The following DPP6 variants were observed in gnomAD, a reference collection of about 807,000 sequenced individuals.
The protein encoded by DPP6 is dipeptidyl peptidase like 6.
A neutral mutation model predicts 122.6 loss-of-function variants in DPP6; 69 were observed. The ratio of observed to expected loss-of-function variants is 0.56; its 90% CI spans 0.46 to 0.69. DPP6 has a LOEUF of 0.69. Among genes scored for constraint, DPP6 ranks in the 30% least tolerant of loss-of-function variants. The pLI is 0.00. For missense variants in DPP6, 928 were observed against 1,116.9 expected (o/e 0.83, Z 2.41); for synonymous variants, 418 against 433.1 (o/e 0.97, Z 0.43).
chr7:153,950,722 C>G (rs1048028341), intron 1 of DPP6, among the ~76,000 whole-genome samples: 1 of 152,148 alleles, frequency 6.6e-6, no homozygotes, highest in Non-Finnish European at 1.5e-5. Flanking sequence ...TGGGTGGATG[C>G]TGACCTCATT....
Position 154,833,417 on chromosome 7 carries a change from C to G in DPP6, c.1667-20363C>G, listed in dbSNP as rs973706049. ...CAGACAACCCCTCATCGAGAAGGAG[C>G]AAGAAGTGACTTCTGTGTGCCTTGG... is the stretch of plus-strand genomic sequence containing the variant. On this transcript the variant is annotated intron_variant, in intron 16 of 25. Coordinates refer to ENST00000377770, the MANE Select transcript of DPP6 (RefSeq NM_130797.4). The surrounding 1 kb of genome is among the most constrained non-coding windows in gnomAD (Gnocchi z 4.3). 1.2e-4 allele frequency among the ~76,000 whole-genome samples: 19 copies of G among 152,154 alleles called. No homozygotes were observed. Among genetic ancestry groups the G allele is most frequent in the Non-Finnish European group, 8.8e-5 (6 of 68,036 alleles).
intron 1 of DPP6, among the ~76,000 whole-genome samples, chr7:154,374,908 G>A (rs746656414): frequency 1.3e-5 from 2 of 152,266 alleles, no homozygotes; most frequent in African/African-American, 2.4e-5. Context: ...CACCGCGCCC[G>A]GCCGACATTA....
rs1554452155 is a variant in DPP6, at chr7:154,067,914, TTTTGTTTG to T, written c.243+14867_243+14874del. ...CACTCAAGGTTTTTTTTTGTTTTTT[TTTTGTTTG>T]TTTGTTTGTTTGTTTTTTTGATAAA... On this transcript the variant is annotated intron_variant, in intron 1 of 25. Coordinates refer to ENST00000377770, the MANE Select transcript of DPP6 (RefSeq NM_130797.4). Among the ~76,000 whole-genome samples the T allele has an allele frequency of 4.3e-5, 6 of 141,168 alleles. No homozygotes were observed. In the South Asian group the frequency reaches 8.7e-4, roughly 21 times the overall value. 92.6% of individuals were successfully genotyped at this position (141,168 alleles called of 152,430 possible).
chr7:153,924,135 G>A (rs949312429), intron 1 of DPP6, among the ~76,000 whole-genome samples: 3 of 147,766 alleles, frequency 2.0e-5, no homozygotes, highest in South Asian at 2.1e-4. Context: ...TTTTTTTTTC[G>A]AGACGGAGTC....
chr7:154,804,771 T>A, intron 14 of DPP6, 146 bp from the exon 15 acceptor site: 1 of 1,123,616 alleles, frequency 8.9e-7, no homozygotes, highest in East Asian at 2.6e-5. Flanking sequence ...TGGTCACAGG[T>A]GTAGCTGGAC....
chr7:154,683,465 G>T (rs1188083712), intron 7 of DPP6, among the ~76,000 whole-genome samples: 1 of 152,022 alleles, frequency 6.6e-6, no homozygotes, highest in African/African-American at 2.4e-5. Flanking sequence ...TGCTTTCTTG[G>T]TATCATGAAA....
the DPP6 span, among the ~76,000 whole-genome samples, chr7:153,873,166 C>T: frequency 6.6e-6 from 1 of 152,172 alleles, no homozygotes; most frequent in Admixed American, 6.5e-5. Context: ...GTGCCAGGCT[C>T]TTTTTAACAA....
intron 1 of DPP6, among the ~76,000 whole-genome samples, chr7:154,085,872 C>T (rs978480969): frequency 5.9e-5 from 9 of 152,124 alleles, no homozygotes; most frequent in Non-Finnish European, 8.8e-5. Context: ...GGATAACAGG[C>T]GCTCACCATC....
At chr7:154,160,755 T>G (rs1041199585) in intron 1 of DPP6, among the ~76,000 whole-genome samples, 2 of 152,194 alleles carry the variant, frequency 1.3e-5, no homozygotes, top group African/African-American at 4.8e-5. Context: ...ATGGGGGACT[T>G]GAAAACTAGC....
intron 1 of DPP6, among the ~76,000 whole-genome samples, chr7:154,373,151 T>C (rs1332697391): frequency 6.6e-6 from 1 of 152,184 alleles, no homozygotes; most frequent in East Asian, 1.9e-4. Flanking sequence ...TTTAATGGGA[T>C]GAATACACTC....
chr7:154,173,847 G>A (rs938638762), intron 1 of DPP6, among the ~76,000 whole-genome samples: 1 of 152,118 alleles, frequency 6.6e-6, no homozygotes, highest in Non-Finnish European at 1.5e-5. Flanking sequence ...GGACATCCGG[G>A]GCCTTTGACT....
chr7:153,887,348 C>G (rs1798973615), exon 1 of DPP6: 1 of 210,628 alleles, frequency 4.7e-6, no homozygotes, highest in Non-Finnish European at 9.6e-6. Flanking sequence ...TCAGAGCTGC[C>G]TCTCGCCCTC....
At chr7:154,519,766 T>G (rs1826821388) in intron 3 of DPP6, among the ~76,000 whole-genome samples, 1 of 152,232 alleles carries the variant, frequency 6.6e-6, no homozygotes, top group African/African-American at 2.4e-5. Flanking sequence ...TTATCATAGA[T>G]TCTACCTAAA....
intron 8 of DPP6, among the ~76,000 whole-genome samples, chr7:154,753,173 A>G (rs1266665137): frequency 6.6e-6 from 1 of 152,142 alleles, no homozygotes; most frequent in African/African-American, 2.4e-5. Context: ...TCTCCTAAAC[A>G]GTTTCTTTGG....
chr7:154,613,301 G>A (rs1403542278), intron 5 of DPP6, among the ~76,000 whole-genome samples: 1 of 152,012 alleles, frequency 6.6e-6, no homozygotes, highest in Admixed American at 6.6e-5. Flanking sequence ...AGGAGTTAAG[G>A]GTTGCAGATG....
At chr7:154,591,160 G>A (rs1832790509) in intron 5 of DPP6, among the ~76,000 whole-genome samples, 1 of 152,230 alleles carries the variant, frequency 6.6e-6, no homozygotes, top group Non-Finnish European at 1.5e-5. Context: ...TGGAGAAGAG[G>A]GAGGAGAGCC....
intron 7 of DPP6, among the ~76,000 whole-genome samples, chr7:154,719,704 A>G (rs552330204): frequency 3.3e-4 from 50 of 152,326 alleles, no homozygotes; most frequent in African/African-American, 1.2e-3. Context: ...CCCGGCATGC[A>G]GTTCCCCTGC....
chr7:153,757,266 A>G, the DPP6 span, among the ~76,000 whole-genome samples: 10 of 152,228 alleles, frequency 6.6e-5, no homozygotes, highest in African/African-American at 9.6e-5. Context: ...AAAATTTCAA[A>G]TGCAATATTA....
the DPP6 span, among the ~76,000 whole-genome samples, chr7:153,763,560 G>A: frequency 6.6e-6 from 1 of 152,160 alleles, no homozygotes; most frequent in Non-Finnish European, 1.5e-5. Context: ...AAAAAAAGAT[G>A]TTGCTGGCAG....
Sources: gnomAD v4.1 joint callset for allele counts (sites outside exome capture counted in the v4.1 genomes callset) on GRCh38, gnomAD v4.1.1 for gene constraint, Gnocchi (gnomAD v3.1) non-coding constraint, MANE v1.5 for transcripts, NCBI Gene and HGNC (gene_info 2026-07-23, HGNC 2026-07-21) for gene names.